The following DOCK8 variants were observed in gnomAD, a reference collection of about 807,000 sequenced individuals.
DOCK8 encodes dedicator of cytokinesis protein 8.
Under a neutral mutation model 245.6 loss-of-function variants are expected in DOCK8, and 141 were observed. The ratio of observed to expected loss-of-function variants is 0.57; its 90% CI spans 0.50 to 0.66. The LOEUF (loss-of-function observed/expected upper bound fraction) is 0.66, where lower values mean the gene tolerates loss of function less well. Ranked by LOEUF, DOCK8 falls within the 30% of genes least tolerant of loss-of-function variation. The pLI, the probability that DOCK8 is intolerant of heterozygous loss-of-function variation, is 0.00. For missense variants in DOCK8, 2,965 were observed against 2,603.4 expected, an observed-to-expected ratio of 1.14 and a Z score of -3.02; for synonymous variants, 1,168 against 970.2, an observed-to-expected ratio of 1.20 and a Z score of -3.79.
chr9:345,736 G>C (rs981187906), intron 14 of DOCK8, among the ~76,000 whole-genome samples: 4 of 152,106 alleles, frequency 2.6e-5, no homozygotes, highest in African/African-American at 4.8e-5. Flanking sequence ...CAGGTGTCCT[G>C]CGTGGGGCAC....
At chr9:376,106 A>T (rs970329441) in intron 18 of DOCK8, 104 bp from the exon 19 acceptor site, 24 of 856,950 alleles carry the variant, frequency 2.8e-5, no homozygotes, top group Non-Finnish European at 4.2e-5. Flanking sequence ...AGAGTTCTGT[A>T]TTTGTATAAC....
chr9:296,235 G>A (rs1392389079), intron 4 of DOCK8, among the ~76,000 whole-genome samples: 1 of 152,178 alleles, frequency 6.6e-6, no homozygotes, highest in Non-Finnish European at 1.5e-5. Flanking sequence ...TGATAATGTT[G>A]TGTGGATTAA....
At chr9:270,728 G>A (rs75879753) in intron 1 of DOCK8, among the ~76,000 whole-genome samples, 3 of 152,164 alleles carry the variant, frequency 2.0e-5, no homozygotes, top group African/African-American at 7.2e-5. Context: ...TTTAAAATAT[G>A]TGACCTCATT....
rs184138372 is a variant in DOCK8, at chr9:276,738, A to C, written c.156+5009A>C. Among the ~76,000 whole-genome samples, 109 of 152,314 alleles carry C rather than the reference A, an allele frequency of 7.2e-4. No individual in the cohort carries two copies. The East Asian group carries it at 0.02, about 28-fold the overall frequency. On this transcript the variant is annotated intron_variant, in intron 2 of 47. Coordinates refer to ENST00000432829, the MANE Select transcript of DOCK8 (RefSeq NM_203447.4). ...AGAGACCCTCTGGTGCCAGCCACCT[A>C]TTCAGGCAAACAAGTCTATAATCAG...
Position 214,950 on chromosome 9 carries a change from T to C in DOCK8, c.-27T>C, listed in dbSNP as rs2046704534. ...CCCCGCTTTCCGCACCCCGCGACCC[T>C]AGAAGCCACCGAACCGCCGGCGGGC... On this transcript the variant is annotated 5_prime_UTR_variant, in exon 1 of 48. It removes the in-frame stop codon of an upstream open reading frame in the 5' UTR. Transcript: ENST00000432829. The C allele has an allele frequency of 3.1e-6, 5 of 1,603,144 alleles. No homozygotes were observed. In the African/African-American group the frequency reaches 4.1e-5, roughly 13 times the overall value.
intron 33 of DOCK8, 49 bp downstream of exon 33, chr9:422,184 AT>A: frequency 1.3e-6 from 2 of 1,518,452 alleles, no homozygotes; most frequent in Non-Finnish European, 1.8e-6. Context: ...GTCCAAAACT[AT>A]TTTTCCCAGG....
intron 6 of DOCK8, 79 bp from the exon 7 acceptor site, chr9:316,964 T>C (rs1449703100): frequency 8.7e-7 from 1 of 1,143,134 alleles, no homozygotes; most frequent in Non-Finnish European, 1.3e-6. Flanking sequence ...GAGGGTAGCC[T>C]TCCCTTCCCT....
chr9:462,512 C>G lies in DOCK8; in HGVS notation c.6069-1005C>G, dbSNP rs944114237. Among the ~76,000 whole-genome samples, 8 of 152,294 alleles carry G rather than the reference C, an allele frequency of 5.3e-5. No homozygotes were observed. The South Asian group carries it at 6.2e-4, about 12-fold the overall frequency. ...TCTGGACGATATGCAGGTGGCATAT[C>G]CAGAATCTCCCTTTGCCCTGGCCAA... On this transcript the variant is annotated intron_variant, in intron 46 of 47. Transcript: ENST00000432829.
intron 36 of DOCK8, among the ~76,000 whole-genome samples, chr9:431,955 A>C (rs953085869): frequency 2.0e-5 from 3 of 152,216 alleles, no homozygotes; most frequent in African/African-American, 7.2e-5. Context: ...TGACAGATTT[A>C]TGTGAGAGCA....
In DOCK8 at chr9:215,277, G is replaced by A. The variant is rs115917982; in HGVS notation, c.53+248G>A. 3,757 of 1,607,894 alleles carry A rather than the reference G, an allele frequency of 2.3e-3. 57 individuals are homozygous for A. The African/African-American group carries it at 0.042, about 18-fold the overall frequency. On this transcript the variant is annotated intron_variant, in intron 1 of 47. Transcript: ENST00000432829. Reference sequence around the variant, plus strand: ...TGCTCCTGGATGTCCTCAGCCGCCGGGGATCCCTTCCCCGAACAACCTCGC... The same window carrying A: ...TGCTCCTGGATGTCCTCAGCCGCCGAGGATCCCTTCCCCGAACAACCTCGC...
intron 7 of DOCK8, among the ~76,000 whole-genome samples, chr9:319,756 C>T (rs1317550655): frequency 6.6e-6 from 1 of 151,470 alleles, no homozygotes; most frequent in Non-Finnish European, 1.5e-5. Context: ...GAATTAGGGT[C>T]CTGCCAATTC....
intron 14 of DOCK8, chr9:340,612 CT>C: frequency 4.2e-6 from 1 of 239,042 alleles, no homozygotes; most frequent in Non-Finnish European, 8.0e-6. Context: ...CAGAACCAGA[CT>C]CTGTCTCAAA....
At chr9:287,478 C>G (rs746712860) in intron 3 of DOCK8, among the ~76,000 whole-genome samples, 1 of 152,146 alleles carries the variant, frequency 6.6e-6, no homozygotes, top group Non-Finnish European at 1.5e-5. Flanking sequence ...CCAGAAGGTC[C>G]CAGAAAGAAG....
At chr9:355,350 T>C (rs1563957359) in intron 14 of DOCK8, among the ~76,000 whole-genome samples, 2 of 151,992 alleles carry the variant, frequency 1.3e-5, no homozygotes, top group Admixed American at 1.3e-4. Context: ...ATTACAGGCA[T>C]GTGCCACCAC....
chr9:441,950 G>C lies in DOCK8; in HGVS notation c.5431G>C (p.Glu1811Gln). 6.2e-7 allele frequency: 1 copy of C among 1,614,086 alleles called. No homozygotes were observed. Among genetic ancestry groups the C allele is most frequent in the Non-Finnish European group, 8.5e-7 (1 of 1,180,012 alleles). Residue 1811 changes from glutamate to glutamine, a missense_variant, in exon 42 of 48, where the codon GAG (glutamate) becomes CAG (glutamine). Glu to Gln is a conservative substitution (Grantham distance 29). This residue lies in a region of DOCK8 where 2,825 missense variants were observed against 2,453.5 expected (regional missense o/e 1.15). Coordinates refer to ENST00000432829, the MANE Select transcript of DOCK8 (RefSeq NM_203447.4). The stretch of plus-strand genomic sequence containing the variant: ...CAAATTTGGGGATTTGGATGAACAG[G>C]AGTTTGTCTACAAAGAGCCTGCAAT... Reference protein sequence around the residue: ...GSKFGDLDEQEFVYKEPAITK... With the variant: ...GSKFGDLDEQQFVYKEPAITK...
chr9:360,505 A>G (rs1036972110), intron 14 of DOCK8, among the ~76,000 whole-genome samples: 17 of 152,198 alleles, frequency 1.1e-4, no homozygotes, highest in Non-Finnish European at 2.1e-4. Context: ...ATCATTTTAT[A>G]ACAGTCTGCA....
intron 25 of DOCK8, among the ~76,000 whole-genome samples, chr9:398,892 A>G (rs909623554): frequency 4.6e-5 from 7 of 152,236 alleles, no homozygotes; most frequent in South Asian, 2.1e-4. Flanking sequence ...TTATACACAT[A>G]TAAATATGCA....
At chr9:400,703 ACCACCT>A (rs1180015788) in intron 26 of DOCK8, among the ~76,000 whole-genome samples, 11 of 113,358 alleles carry the variant, frequency 9.7e-5, no homozygotes, top group Non-Finnish European at 1.9e-4. Flanking sequence ...CACCACCACC[ACCACCT>A]CCACCATCAC....
At chr9:405,205 A>G in intron 27 of DOCK8, 132 bp downstream of exon 27, 1 of 934,894 alleles carries the variant, frequency 1.1e-6, no homozygotes, top group Non-Finnish European at 1.6e-6. Context: ...AAACCAGATC[A>G]AGTATGCTAC....
Sources: allele counts gnomAD v4.1 joint callset (sites outside exome capture counted in the v4.1 genomes callset), GRCh38; gene constraint gnomAD v4.1.1; regional missense constraint gnomAD v4.1.1; transcripts MANE v1.5; gene names NCBI Gene and HGNC (gene_info 2026-07-23, HGNC 2026-07-21).